Variants in CCR5AS observed in about 807,000 individuals in gnomAD.
CCR5AS encodes CCR5 antisense RNA.
chr3:46,386,428 T>C lies in CCR5AS; in HGVS notation n.391+6397A>G, dbSNP rs543018698. On this transcript the variant is annotated intron_variant and non_coding_transcript_variant, in intron 2 of 3. Transcript: ENST00000451485. ...TTTTTCAGAAAAAGCCTTCTGTCCA[T>C]AGACCAAAGGGAAGTGACTCAGAGA... Among the ~76,000 whole-genome samples, 33 of 152,254 alleles carry C rather than the reference T, an allele frequency of 2.2e-4. No individual in the cohort carries two copies. The South Asian group carries it at 6.6e-3, about 31-fold the overall frequency.
At chr3:46,384,867 A>C in intron 2 of CCR5AS, among the ~76,000 whole-genome samples, 1 of 25,986 alleles carries the variant, frequency 3.8e-5, no homozygotes, top group South Asian at 8.1e-4. Flanking sequence ...ATAGATAGAT[A>C]GATAGATAGA....
chr3:46,406,598 CTG>C (rs1702050858), intron 1 of CCR5AS, among the ~76,000 whole-genome samples: 1 of 152,172 alleles, frequency 6.6e-6, no homozygotes, highest in East Asian at 1.9e-4. Flanking sequence ...GATGTCGCCT[CTG>C]TGTCATCACC....
intron 2 of CCR5AS, among the ~76,000 whole-genome samples, chr3:46,379,854 G>A (rs1380714907): frequency 6.6e-6 from 1 of 151,932 alleles, no homozygotes; most frequent in Admixed American, 6.6e-5. Context: ...CTGACATCTA[G>A]CCACTGCACT....
intron 2 of CCR5AS, among the ~76,000 whole-genome samples, chr3:46,379,897 AAAAT>A (rs60485134): frequency 0.044 from 6,483 of 146,432 alleles, 142 homozygotes; most frequent in Middle Eastern, 0.099. Context: ...ACTCTGTCTC[AAAAT>A]AAATAAATAA....
exon 4 of CCR5AS, chr3:46,365,026 A>C (rs1236917975): frequency 1.3e-5 from 2 of 157,240 alleles, no homozygotes; most frequent in Non-Finnish European, 2.8e-5. Flanking sequence ...TTGAGATGGA[A>C]TCTCCTCCTG....
At chr3:46,368,482 C>T (rs536770486) in intron 3 of CCR5AS, among the ~76,000 whole-genome samples, 1 of 152,292 alleles carries the variant, frequency 6.6e-6, no homozygotes, top group East Asian at 1.9e-4. Context: ...TTGGGCTGAA[C>T]CCCCCTGTCC....
chr3:46,394,857 A>C (rs1440319290), intron 1 of CCR5AS, among the ~76,000 whole-genome samples: 1 of 152,160 alleles, frequency 6.6e-6, no homozygotes, highest in Non-Finnish European at 1.5e-5. Flanking sequence ...GAAGGAGAGG[A>C]CAGGTGGGGA....
intron 1 of CCR5AS, among the ~76,000 whole-genome samples, chr3:46,401,989 T>C (rs1340833229): frequency 6.6e-6 from 1 of 152,104 alleles, no homozygotes; most frequent in East Asian, 1.9e-4. Context: ...ATAATGCCTA[T>C]TAGTATATGA....
intron 3 of CCR5AS, among the ~76,000 whole-genome samples, chr3:46,366,151 C>T (rs567427592): frequency 8.2e-4 from 125 of 152,182 alleles, no homozygotes; most frequent in African/African-American, 3.0e-3. Context: ...GGTGTGGATA[C>T]AGGGCTGGTG....
At chr3:46,380,527 C>T (rs990599146) in intron 2 of CCR5AS, among the ~76,000 whole-genome samples, 4 of 152,286 alleles carry the variant, frequency 2.6e-5, no homozygotes, top group African/African-American at 4.8e-5. Context: ...TGAGCCCAAC[C>T]CCTTTGCTTT....
At chr3:46,400,295 T>C (rs1401405385) in intron 1 of CCR5AS, among the ~76,000 whole-genome samples, 1 of 152,214 alleles carries the variant, frequency 6.6e-6, no homozygotes, top group African/African-American at 2.4e-5. Flanking sequence ...TAAGTGGTTT[T>C]AAACAGCTGT....
Position 46,388,052 on chromosome 3 carries a change from C to T in CCR5AS, n.391+4773G>A, listed in dbSNP as rs182557879. On this transcript the variant is annotated intron_variant and non_coding_transcript_variant, in intron 2 of 3. Transcript: ENST00000451485. ...TCACTTCTTTGTGGTTCTTCAGTTGCTTCAGGCCATCTGGATGTATAAGCG... is the reference window on the plus strand; with the variant it reads ...TCACTTCTTTGTGGTTCTTCAGTTGTTTCAGGCCATCTGGATGTATAAGCG... Among the ~76,000 whole-genome samples the T allele has an allele frequency of 5.9e-5, 9 of 152,290 alleles. 1 individual carries two copies. The highest frequency in any genetic ancestry group is 2.2e-4 in the African/African-American group (9 of 41,564).
intron 2 of CCR5AS, chr3:46,373,850 T>C: frequency 6.2e-7 from 1 of 1,614,054 alleles, no homozygotes; most frequent in Non-Finnish European, 8.5e-7. Flanking sequence ...AAAAGCACAT[T>C]GCCAAACGCT....
At chr3:46,386,070 C>G (rs1397947142) in intron 2 of CCR5AS, among the ~76,000 whole-genome samples, 1 of 152,098 alleles carries the variant, frequency 6.6e-6, no homozygotes, top group East Asian at 1.9e-4. Flanking sequence ...CACCACCACA[C>G]CTGGCTAATA....
chr3:46,384,933 G>A (rs1701847140), intron 2 of CCR5AS, among the ~76,000 whole-genome samples: 2 of 152,192 alleles, frequency 1.3e-5, no homozygotes, highest in South Asian at 2.1e-4. Context: ...AGACACTGGT[G>A]TGAGTGTGGG....
chr3:46,368,116 A>G (rs1701617649), intron 3 of CCR5AS, among the ~76,000 whole-genome samples: 2 of 152,166 alleles, frequency 1.3e-5, no homozygotes, highest in Non-Finnish European at 2.9e-5. Flanking sequence ...GAGCAAGGAG[A>G]CAGCAAAGCA....
intron 1 of CCR5AS, among the ~76,000 whole-genome samples, chr3:46,398,442 C>G (rs1354688234): frequency 1.3e-5 from 2 of 152,164 alleles, no homozygotes. Flanking sequence ...CTAAGAAGCT[C>G]CACGCACTAG....
intron 1 of CCR5AS, chr3:46,393,169 C>A (rs1381923986): frequency 6.6e-6 from 1 of 151,884 alleles, no homozygotes; most frequent in African/African-American, 2.4e-5. Flanking sequence ...GCAGGGGTCA[C>A]AAGGTGCTCG....
At chr3:46,384,001 C>T (rs1701836873) in intron 2 of CCR5AS, among the ~76,000 whole-genome samples, 1 of 152,180 alleles carries the variant, frequency 6.6e-6, no homozygotes, top group South Asian at 2.1e-4. Flanking sequence ...GGTTTGTGGT[C>T]TCACGCCAAG....
Sources: allele counts gnomAD v4.1 joint callset (sites outside exome capture counted in the v4.1 genomes callset), GRCh38; gene constraint gnomAD v4.1.1; transcripts MANE v1.5; gene names NCBI Gene and HGNC (gene_info 2026-07-23, HGNC 2026-07-21).